Variants in RYR2 observed in about 807,000 individuals in gnomAD.
RYR2 encodes ryanodine receptor 2, also known as cardiac muscle ryanodine receptor-calcium release channel.
RYR2 carries 227 observed loss-of-function variants against 601.1 expected under a neutral mutation model. The observed-to-expected ratio is 0.38, with a 90% CI of 0.34 to 0.42. RYR2 has a LOEUF of 0.42. Among genes scored for constraint, RYR2 ranks in the 10% least tolerant of loss-of-function variants. The pLI is 1.00. For missense variants in RYR2, 4,646 were observed against 6,156.5 expected (o/e 0.75, Z 8.21); for synonymous variants, 2,223 against 2,175.1 (o/e 1.02, Z -0.61).
chr1:237,486,331 T>C (rs1348412085), intron 17 of RYR2, among the ~76,000 whole-genome samples: 1 of 152,176 alleles, frequency 6.6e-6, no homozygotes, highest in Non-Finnish European at 1.5e-5. Flanking sequence ...ACTACTAAGG[T>C]AAATCATGCA....
intron 1 of RYR2, among the ~76,000 whole-genome samples, chr1:237,230,447 A>AT (rs911883180): frequency 1.2e-4 from 18 of 151,306 alleles, no homozygotes; most frequent in East Asian, 1.9e-4. Context: ...ATTATACTAC[A>AT]TTTTTTTTTC....
At chr1:237,781,285 G>A (rs1327763119) in intron 88 of RYR2, among the ~76,000 whole-genome samples, 1 of 152,188 alleles carries the variant, frequency 6.6e-6, no homozygotes, top group African/African-American at 2.4e-5. Flanking sequence ...CCTGAGCTCA[G>A]GTGATCTGTG....
intron 2 of RYR2, among the ~76,000 whole-genome samples, chr1:237,310,392 T>C (rs1307644911): frequency 6.6e-6 from 1 of 152,208 alleles, no homozygotes; most frequent in Non-Finnish European, 1.5e-5. Context: ...GAAGCTGCCT[T>C]TCCTTTTGTA....
chr1:237,697,000 A>ATGTC (rs949997751), intron 63 of RYR2, among the ~76,000 whole-genome samples: 6 of 151,944 alleles, frequency 3.9e-5, no homozygotes, highest in African/African-American at 1.5e-4. Flanking sequence ...AAACCTAAGA[A>ATGTC]TGTCTTCCTA....
chr1:237,670,275 C>T (rs1015119733), intron 58 of RYR2, among the ~76,000 whole-genome samples: 11 of 120,046 alleles, frequency 9.2e-5, no homozygotes, highest in South Asian at 9.1e-4. Flanking sequence ...AGAGGGAGAC[C>T]GTGGGGAGAG....
In RYR2 at chr1:237,288,455, A is replaced by C. The variant is rs374597008; in HGVS notation, c.168+17839A>C. Among the ~76,000 whole-genome samples, 47 of 145,206 alleles carry C rather than the reference A, an allele frequency of 3.2e-4. 1 individual carries two copies. The highest frequency in any genetic ancestry group is 1.2e-3 in the African/African-American group (47 of 38,582). On this transcript the variant is annotated intron_variant, in intron 2 of 104. Transcript: ENST00000366574. ...GGTAGGGGAGGGCTAGGCACGTTTGAGCTCAGACTGTCCTTGGGTGGGTCC... is the reference window on the plus strand; with the variant it reads ...GGTAGGGGAGGGCTAGGCACGTTTGCGCTCAGACTGTCCTTGGGTGGGTCC...
At chr1:237,235,916 G>A (rs1301523355) in intron 1 of RYR2, among the ~76,000 whole-genome samples, 1 of 152,116 alleles carries the variant, frequency 6.6e-6, no homozygotes, top group African/African-American at 2.4e-5. Flanking sequence ...AAGCCTTCAT[G>A]TTCAGTGCAT....
At chr1:237,115,054 G>C (rs976980295) in intron 1 of RYR2, among the ~76,000 whole-genome samples, 1 of 152,098 alleles carries the variant, frequency 6.6e-6, no homozygotes, top group Non-Finnish European at 1.5e-5. Flanking sequence ...CAAGGAGGAG[G>C]GGAAGGAAGG....
intron 17 of RYR2, among the ~76,000 whole-genome samples, chr1:237,476,016 G>A (rs1473341925): frequency 6.6e-6 from 1 of 152,204 alleles, no homozygotes; most frequent in African/African-American, 2.4e-5. Flanking sequence ...CTTGAAATAC[G>A]ATTTGGGGGC....
intron 1 of RYR2, among the ~76,000 whole-genome samples, chr1:237,249,060 C>T (rs928716567): frequency 1.4e-4 from 21 of 152,190 alleles, no homozygotes; most frequent in African/African-American, 4.1e-4. Context: ...CCATTGCGCC[C>T]GGCCGAACAA....
chr1:237,721,848 T>C (rs1048041730), intron 73 of RYR2, among the ~76,000 whole-genome samples: 11 of 152,170 alleles, frequency 7.2e-5, no homozygotes, highest in African/African-American at 2.7e-4. Flanking sequence ...AACATACTTA[T>C]TCTATATTAT....
intron 29 of RYR2, among the ~76,000 whole-genome samples, chr1:237,580,474 A>T (rs1673787869): frequency 1.3e-5 from 1 of 75,658 alleles, no homozygotes; most frequent in Admixed American, 1.2e-4. Flanking sequence ...TGCTTTAAAA[A>T]AAAAAAAAAT....
intron 1 of RYR2, among the ~76,000 whole-genome samples, chr1:237,096,586 G>A (rs1409262254): frequency 2.6e-5 from 4 of 152,208 alleles, no homozygotes; most frequent in African/African-American, 4.8e-5. Context: ...GGGAATATAC[G>A]TTGGTATCTT....
In RYR2 at chr1:237,416,749, AAC is replaced by A. The variant is rs71180024; in HGVS notation, c.774-286_774-285del. 0.25 allele frequency among the ~76,000 whole-genome samples: 36,856 copies of A among 147,802 alleles called. 4,921 individuals are homozygous for A. Among genetic ancestry groups the A allele is most frequent in the African/African-American group, 0.37 (14,723 of 39,988 alleles). ...TCACTGGGAGGGAGGGATGGGAAGA[AAC>A]ACACACACACACAGAGAGAGAGAGA... is the stretch of plus-strand genomic sequence containing the variant. On this transcript the variant is annotated intron_variant, in intron 10 of 104. Coordinates refer to ENST00000366574, the MANE Select transcript of RYR2 (RefSeq NM_001035.3).
At chr1:237,474,191 G>A (rs561200599) in intron 17 of RYR2, among the ~76,000 whole-genome samples, 16 of 123,000 alleles carry the variant, frequency 1.3e-4, no homozygotes, top group Admixed American at 4.4e-4. Context: ...ATGTATGTAC[G>A]TGTGTATATA....
Position 237,784,924 on chromosome 1 carries a change from C to T in RYR2, c.13212C>T (p.Asp4404=), listed in dbSNP as rs758548582. The T allele has an allele frequency of 7.5e-6, 12 of 1,607,750 alleles. No homozygotes were observed. The East Asian group carries it at 1.8e-4, about 24-fold the overall frequency. The change falls in exon 90 of 105, where the codon GAC becomes GAT. Residue 4404 remains aspartate, a synonymous_variant. Transcript: ENST00000366574. The surrounding 1 kb of genome is among the most constrained non-coding windows in gnomAD (Gnocchi z 7.1). ...ATAATCCAAATGCTGGGCTCAGTGA[C>T]CTCATGAGCAACCCAGTCCCCATGC... ...IPHNPNAGLS[D]LMSNPVPMPE...
intron 80 of RYR2, 67 bp downstream of exon 80, chr1:237,742,416 G>A (rs894629312): frequency 4.5e-5 from 51 of 1,134,434 alleles, no homozygotes; most frequent in Admixed American, 6.2e-5. Flanking sequence ...GCTTATAACT[G>A]ACATTTATGT....
chr1:237,352,734 C>G (rs1698962845), intron 3 of RYR2: 1 of 310,478 alleles, frequency 3.2e-6, no homozygotes, highest in African/African-American at 2.2e-5. Flanking sequence ...AGGACAAAGA[C>G]AGAAAAATAG....
At chr1:237,683,245 G>A (rs1178634932) in intron 62 of RYR2, among the ~76,000 whole-genome samples, 1 of 152,168 alleles carries the variant, frequency 6.6e-6, no homozygotes, top group Non-Finnish European at 1.5e-5. Flanking sequence ...AGTTGTGTGG[G>A]TTTGAGTTAA....
Sources: gnomAD v4.1 joint callset for allele counts (sites outside exome capture counted in the v4.1 genomes callset) on GRCh38, gnomAD v4.1.1 for gene constraint, Gnocchi (gnomAD v3.1) non-coding constraint, MANE v1.5 for transcripts, NCBI Gene and HGNC (gene_info 2026-07-23, HGNC 2026-07-21) for gene names.